EFNB2: variants seen among roughly 807,000 people sequenced by gnomAD.
EFNB2 encodes ephrin-B2.
A neutral mutation model predicts 32.1 loss-of-function variants in EFNB2; 5 were observed. The observed-to-expected ratio is 0.16, with a 90% CI of 0.08 to 0.33. The LOEUF is 0.33. Among genes scored for constraint, EFNB2 ranks in the 10% least tolerant of loss-of-function variants. EFNB2 has a pLI of 1.00. For synonymous variants in EFNB2, 168 were observed against 166.5 expected, an observed-to-expected ratio of 1.01 and a Z score of -0.07; for missense variants, 263 against 422.6, an observed-to-expected ratio of 0.62 and a Z score of 3.31.
Position 106,493,398 on chromosome 13 carries a change from T to C in EFNB2, c.644A>G (p.His215Arg). ...GSSTDGNSAG[H>R]SGNNILGSEV... is the part of the protein sequence containing the mutation. The stretch of plus-strand genomic sequence containing the variant: ...GGAACCGAGGATGTTGTTCCCCGAA[T>C]GTCCGGCGCTGTTGCCGTCTGTGCT... The change falls in exon 5 of 5, where the codon CAT becomes CGT. Residue 215 changes from histidine to arginine, a missense_variant. Physicochemically the swap from His to Arg is conservative, Grantham distance 29 (BLOSUM62 0). Coordinates refer to ENST00000646441, the MANE Select transcript of EFNB2 (RefSeq NM_004093.4). The surrounding 1 kb of genome is among the most constrained non-coding windows in gnomAD (Gnocchi z 6.1). 8 of 1,613,550 alleles carry C rather than the reference T, an allele frequency of 5.0e-6. No homozygotes were observed. The highest frequency in any genetic ancestry group is 6.8e-6 in the Non-Finnish European group (8 of 1,179,584).
chr13:106,533,483 G>A (rs1879952039), intron 1 of EFNB2, among the ~76,000 whole-genome samples: 1 of 152,230 alleles, frequency 6.6e-6, no homozygotes, highest in Non-Finnish European at 1.5e-5. Flanking sequence ...TAACTTCTCC[G>A]TATGAGCGGT....
intron 2 of EFNB2, among the ~76,000 whole-genome samples, chr13:106,502,388 A>G (rs1038508667): frequency 2.6e-5 from 4 of 152,240 alleles, no homozygotes; most frequent in African/African-American, 9.6e-5. Context: ...TTTAATTTCA[A>G]ATATTCATGA....
Position 106,491,054 on chromosome 13 carries a change from T to A in EFNB2, c.*1986A>T, listed in dbSNP as rs2138892129. ...AAAGTAGGTTTCCTGTTTACTCTTC[T>A]TGTTTCCCAGAAGGGAGGGGGTGCG... On this transcript the variant is annotated 3_prime_UTR_variant, in exon 5 of 5. Transcript: ENST00000646441. 6.6e-6 allele frequency: 1 copy of A among 152,132 alleles called. No homozygotes were observed. The highest frequency in any genetic ancestry group is 6.5e-5 in the Admixed American group (1 of 15,304). 9.4% of individuals were successfully genotyped at this position (152,132 alleles called of 1,614,324 possible). A position where few individuals can be genotyped will look rare whatever the true frequency, so the allele number is the denominator to read the frequency against.
At chr13:106,516,851 G>C (rs1879328763) in intron 1 of EFNB2, 1 of 152,196 alleles carries the variant, frequency 6.6e-6, no homozygotes, top group Admixed American at 6.5e-5. Flanking sequence ...CATGGCATTT[G>C]TGTTTTACAT....
chr13:106,534,041 G>C (rs954501650), intron 1 of EFNB2, among the ~76,000 whole-genome samples: 1 of 152,180 alleles, frequency 6.6e-6, no homozygotes, highest in South Asian at 2.1e-4. Flanking sequence ...TCCTACCAGG[G>C]TCCCGAGGGA....
intron 2 of EFNB2, among the ~76,000 whole-genome samples, chr13:106,498,739 C>T (rs1464546357): frequency 6.6e-6 from 1 of 152,104 alleles, no homozygotes; most frequent in Non-Finnish European, 1.5e-5. Context: ...CAGATGCTGC[C>T]TTTGTAGGTT....
chr13:106,532,079 C>CAAAAA (rs1404488142), intron 1 of EFNB2, among the ~76,000 whole-genome samples: 13 of 41,858 alleles, frequency 3.1e-4, no homozygotes, highest in East Asian at 1.5e-3. Context: ...AAAAAAAAAC[C>CAAAAA]AAAACTTTAA....
In EFNB2 at chr13:106,512,672, C is replaced by A. The variant is rs199874504; in HGVS notation, c.263G>T (p.Arg88Ile). 1.2e-6 allele frequency: 2 copies of A among 1,613,720 alleles called. No individual in the cohort carries two copies. Among genetic ancestry groups the A allele is most frequent in the African/African-American group, 2.7e-5 (2 of 74,862 alleles). ...GGTATTTTCCTTCTTAATAGTGCAT[C>A]TGTCTGCTTGGTCTTTATCAACCAT... ...VYMVDKDQAD[R>I]CTIKKENTPL... Residue 88 changes from arginine (R) to isoleucine (I), a missense_variant, in exon 2 of 5, where the codon AGA becomes ATA. By Grantham distance (97) the Arg-to-Ile change is moderately conservative (BLOSUM62 -3). Around this residue, in one of 3 missense-constraint regions of EFNB2, gnomAD observed 45 missense variants for 128.6 expected, o/e 0.35. Coordinates refer to ENST00000646441, the MANE Select transcript of EFNB2 (RefSeq NM_004093.4).
chr13:106,494,937 T>G lies in EFNB2; in HGVS notation c.557A>C (p.Glu186Ala). 1 of 1,614,204 alleles carries G rather than the reference T, an allele frequency of 6.2e-7. No individual in the cohort carries two copies. Among genetic ancestry groups the G allele is most frequent in the Non-Finnish European group, 8.5e-7 (1 of 1,180,020 alleles). Reference sequence around the variant, plus strand: ...CGAACTTCTTCCATTTGTACCAGCTTCTAGTTCTGGACGTCTTGTTGGATC... The same window carrying G: ...CGAACTTCTTCCATTTGTACCAGCTGCTAGTTCTGGACGTCTTGTTGGATC... ...NKDPTRRPEL[E>A]AGTNGRSSTT... is the part of the protein sequence containing the mutation. The change falls in exon 4 of 5, where the codon GAA becomes GCA. Residue 186 changes from glutamate to alanine, a missense_variant. This residue lies in a region of EFNB2 where 172 missense variants were observed against 237.1 expected (regional missense o/e 0.73). Transcript: ENST00000646441.
Position 106,490,404 on chromosome 13 carries a change from G to A in EFNB2, c.*2636C>T, listed in dbSNP as rs1878358795. 1 of 152,200 alleles carries A rather than the reference G, an allele frequency of 6.6e-6. No individual in the cohort carries two copies. The highest frequency in any genetic ancestry group is 1.5e-5 in the Non-Finnish European group (1 of 68,042). The allele number at this position is 152,200 out of a possible 1,614,324, so 9.4% of individuals were successfully genotyped here. Reference sequence around the variant, plus strand: ...TAAACCAACTTCAAACAAAGGGACAGTTGGTAGATTGTCATATTCTGCACC... The same window carrying A: ...TAAACCAACTTCAAACAAAGGGACAATTGGTAGATTGTCATATTCTGCACC... On this transcript the variant is annotated 3_prime_UTR_variant, in exon 5 of 5. Coordinates refer to ENST00000646441, the MANE Select transcript of EFNB2 (RefSeq NM_004093.4).
In EFNB2 at chr13:106,490,072, C is replaced by T. The variant is rs1036057795; in HGVS notation, c.*2968G>A. The T allele has an allele frequency of 2.0e-5, 3 of 152,644 alleles. No individual in the cohort carries two copies. Among genetic ancestry groups the T allele is most frequent in the South Asian group, 2.1e-4 (1 of 4,828 alleles). The allele number at this position is 152,644 out of a possible 1,614,324, so 9.5% of individuals were successfully genotyped here. ...ACAGTGCAAAGGGGAATGACACTGC[C>T]GTTAAACAAGCTGTAGCTAAATACA... On this transcript the variant is annotated 3_prime_UTR_variant, in exon 5 of 5. Transcript: ENST00000646441.
chr13:106,512,574 G>A lies in EFNB2; in HGVS notation c.361C>T (p.Leu121Phe). The change falls in exon 2 of 5, where the codon CTC becomes TTC. Residue 121 changes from leucine (L) to phenylalanine (F), a missense_variant. Physicochemically the swap from Leu to Phe is conservative, Grantham distance 22 (BLOSUM62 0). Coordinates refer to ENST00000646441, the MANE Select transcript of EFNB2 (RefSeq NM_004093.4). Reference protein sequence around the residue: ...TIKFQEFSPNLWGLEFQKNKD... With the variant: ...TIKFQEFSPNFWGLEFQKNKD... The stretch of plus-strand genomic sequence containing the variant: ...TTCTTCTGAAATTCTAGACCCCAGA[G>A]GTTAGGGCTGAATTCTTGAAACTTG... 1 of 1,613,244 alleles carries A rather than the reference G, an allele frequency of 6.2e-7. No individual in the cohort carries two copies. Among genetic ancestry groups the A allele is most frequent in the Non-Finnish European group, 8.5e-7 (1 of 1,179,418 alleles).
chr13:106,504,856 T>G (rs1878899074), intron 2 of EFNB2, among the ~76,000 whole-genome samples: 1 of 152,208 alleles, frequency 6.6e-6, no homozygotes, highest in Admixed American at 6.5e-5. Context: ...GAGATTTTTA[T>G]TTTTAATCAC....
In EFNB2 at chr13:106,525,560, T is replaced by C. The variant is rs539424704; in HGVS notation, c.122+9283A>G. On this transcript the variant is annotated intron_variant, in intron 1 of 4. Transcript: ENST00000646441. The stretch of plus-strand genomic sequence containing the variant: ...TGCCCTTGGCTGAAATACTGTTTCT[T>C]TGGCTTGCTTACTATTTTCTTTATT... Among the ~76,000 whole-genome samples, 6 of 152,336 alleles carry C rather than the reference T, an allele frequency of 3.9e-5. No homozygotes were observed. In the East Asian group the frequency reaches 5.8e-4, roughly 15 times the overall value.
At chr13:106,525,515 T>C (rs997312920) in intron 1 of EFNB2, among the ~76,000 whole-genome samples, 14 of 152,192 alleles carry the variant, frequency 9.2e-5, no homozygotes, top group African/African-American at 3.4e-4. Context: ...TGTTCACAGG[T>C]GGACGTGATA....
intron 1 of EFNB2, among the ~76,000 whole-genome samples, chr13:106,513,024 ACTTTC>A (rs1471179824): frequency 1.7e-4 from 26 of 152,212 alleles, no homozygotes; most frequent in African/African-American, 5.8e-4. Flanking sequence ...GAAAGAAACC[ACTTTC>A]CTTACTCTAA....
intron 2 of EFNB2, among the ~76,000 whole-genome samples, chr13:106,505,235 T>C (rs1878912581): frequency 6.6e-6 from 1 of 152,228 alleles, no homozygotes; most frequent in South Asian, 2.1e-4. Context: ...CTCTGCTGTC[T>C]CTACATATGT....
At chr13:106,507,233 G>A (rs916229968) in intron 2 of EFNB2, among the ~76,000 whole-genome samples, 1 of 151,966 alleles carries the variant, frequency 6.6e-6, no homozygotes, top group Non-Finnish European at 1.5e-5. Context: ...TACATTTATC[G>A]TACATAAATA....
At chr13:106,495,093 CAT>C (rs2138898772) in intron 3 of EFNB2, 99 bp from the exon 4 acceptor site, 1 of 908,354 alleles carries the variant, frequency 1.1e-6, no homozygotes, top group Non-Finnish European at 1.8e-6. Flanking sequence ...TAGCAATGAA[CAT>C]AAGAGTCTTT....
Sources: allele counts gnomAD v4.1 joint callset (sites outside exome capture counted in the v4.1 genomes callset), GRCh38; gene constraint gnomAD v4.1.1; regional missense constraint gnomAD v4.1.1; non-coding constraint Gnocchi (gnomAD v3.1); transcripts MANE v1.5; gene names NCBI Gene and HGNC (gene_info 2026-07-23, HGNC 2026-07-21).